Variants in SGPP2 observed in about 807,000 individuals in gnomAD.
SGPP2 encodes sphingosine 1-phosphate phosphohydrolase 2.
A neutral mutation model predicts 33.9 loss-of-function variants in SGPP2; 30 were observed. The ratio of observed to expected loss-of-function variants is 0.89; its 90% confidence interval spans 0.66 to 1.20. The LOEUF is 1.20. Ranked by LOEUF, SGPP2 falls within the 50% of genes most tolerant of loss-of-function variation. The probability of loss-of-function intolerance (pLI) is 0.00; values close to 1 mark genes in which losing one functional copy is unlikely to be tolerated. For synonymous variants in SGPP2, 233 were observed against 225.0 expected (o/e 1.04, Z -0.32); for missense variants, 458 against 532.1 (o/e 0.86, Z 1.37).
At chr2:222,510,219 C>G (rs1363570812) in intron 2 of SGPP2, among the ~76,000 whole-genome samples, 1 of 152,210 alleles carries the variant, frequency 6.6e-6, no homozygotes, top group Non-Finnish European at 1.5e-5. Context: ...CACATGCTTT[C>G]CATTCTCTTA....
rs1472296794 is a variant in SGPP2, at chr2:222,424,897, G to A, written c.219+76G>A. The A allele has an allele frequency of 1.5e-5, 18 of 1,176,848 alleles. No individual in the cohort carries two copies. The East Asian group carries it at 6.0e-4, about 39-fold the overall frequency. The allele number at this position is 1,176,848 out of a possible 1,614,324, so 72.9% of individuals were successfully genotyped here. A position where few individuals can be genotyped will look rare whatever the true frequency, so the allele number is the denominator to read the frequency against. On this transcript the variant is annotated intron_variant, in intron 1 of 4. Coordinates refer to ENST00000321276, the MANE Select transcript of SGPP2 (RefSeq NM_152386.4). The stretch of plus-strand genomic sequence containing the variant: ...GTGCGGGTCCCTGCGACTCCGCCAC[G>A]CGGGGCCGGCCGGGCCGAGAGGGCG...
rs1346353482 is a variant in SGPP2 at position 222,476,749 on chromosome 2, T to C, written c.378+2023T>C. 1.3e-5 allele frequency among the ~76,000 whole-genome samples: 2 copies of C among 151,970 alleles called. No individual in the cohort carries two copies. The highest frequency in any genetic ancestry group is 4.8e-5 in the African/African-American group (2 of 41,344). ...GTGTGTATATAGGTGTGTGTGTATATGTATGTATATAGGTGTGTATATATG... is the reference window on the plus strand; with the variant it reads ...GTGTGTATATAGGTGTGTGTGTATACGTATGTATATAGGTGTGTATATATG... On this transcript the variant is annotated intron_variant, in intron 2 of 4. Coordinates refer to ENST00000321276, the MANE Select transcript of SGPP2 (RefSeq NM_152386.4). The surrounding 1 kb of genome is among the most constrained non-coding windows in gnomAD (Gnocchi z 4.3).
At chr2:222,428,148 TAC>T (rs1179634690) in intron 1 of SGPP2, among the ~76,000 whole-genome samples, 1 of 152,204 alleles carries the variant, frequency 6.6e-6, no homozygotes, top group Non-Finnish European at 1.5e-5. Context: ...GTCCTGTTGG[TAC>T]TGGCTGGGAC....
At chr2:222,503,818 C>T (rs557533524) in intron 2 of SGPP2, 4 of 152,174 alleles carry the variant, frequency 2.6e-5, no homozygotes, top group South Asian at 4.2e-4. Flanking sequence ...CCTCAGTGAC[C>T]GAGGGCCTCA....
chr2:222,474,176 A>G (rs1697893722), intron 1 of SGPP2, among the ~76,000 whole-genome samples: 1 of 152,184 alleles, frequency 6.6e-6, no homozygotes, highest in African/African-American at 2.4e-5. Flanking sequence ...TAATATATTC[A>G]GTTCTAGGAT....
chr2:222,516,035 G>T (rs539031678), intron 2 of SGPP2, among the ~76,000 whole-genome samples: 1 of 152,118 alleles, frequency 6.6e-6, no homozygotes, highest in East Asian at 1.9e-4. Context: ...GCAACAGAGC[G>T]AGACTCAGTC....
chr2:222,514,255 C>T (rs998773974), intron 2 of SGPP2, among the ~76,000 whole-genome samples: 2 of 152,206 alleles, frequency 1.3e-5, no homozygotes, highest in African/African-American at 2.4e-5. Context: ...ATGATGGTAG[C>T]TGGGACACAG....
Position 222,518,070 on chromosome 2 carries a change from C to T in SGPP2, c.379-3697C>T, listed in dbSNP as rs571440823. On this transcript the variant is annotated intron_variant, in intron 2 of 4. Transcript: ENST00000321276. ...TTGGCTCATCATAGCATCATTGTCA[C>T]AAATGGCAATGCCAGAAACAGGATA... Among the ~76,000 whole-genome samples, 51 of 152,328 alleles carry T rather than the reference C, an allele frequency of 3.3e-4. 2 individuals are homozygous for T. Among genetic ancestry groups the T allele is most frequent in the Non-Finnish European group, 6.9e-4 (47 of 68,028 alleles).
At chr2:222,459,479 G>A (rs1359268860) in intron 1 of SGPP2, among the ~76,000 whole-genome samples, 2 of 152,016 alleles carry the variant, frequency 1.3e-5, no homozygotes, top group African/African-American at 4.8e-5. Flanking sequence ...AACAAGGAAG[G>A]ACACAGGATG....
intron 1 of SGPP2, among the ~76,000 whole-genome samples, chr2:222,467,858 C>T (rs1014338335): frequency 1.3e-5 from 2 of 148,264 alleles, no homozygotes; most frequent in Admixed American, 1.4e-4. Flanking sequence ...AGATTACCAT[C>T]CCCCCGAGAT....
intron 3 of SGPP2, 75 bp downstream of exon 3, chr2:222,522,021 TA>T: frequency 7.3e-7 from 1 of 1,363,830 alleles, no homozygotes; most frequent in South Asian, 1.7e-5. Flanking sequence ...AATTTTCTCT[TA>T]AAGCTGCTTT....
intron 1 of SGPP2, among the ~76,000 whole-genome samples, chr2:222,472,217 C>T (rs1164458570): frequency 1.3e-5 from 2 of 152,166 alleles, no homozygotes; most frequent in Non-Finnish European, 2.9e-5. Context: ...TTACCACAAA[C>T]TTAGTGGCTT....
At chr2:222,536,257 A>C (rs978704233) in intron 4 of SGPP2, among the ~76,000 whole-genome samples, 8 of 152,208 alleles carry the variant, frequency 5.3e-5, no homozygotes, top group Non-Finnish European at 1.0e-4. Flanking sequence ...AAATTTGTGA[A>C]GTCACCTTCT....
intron 2 of SGPP2, among the ~76,000 whole-genome samples, chr2:222,495,755 C>T (rs1698270468): frequency 6.6e-6 from 1 of 152,120 alleles, no homozygotes; most frequent in Non-Finnish European, 1.5e-5. Flanking sequence ...TTCTTTGGCT[C>T]ATAAATGATT....
intron 1 of SGPP2, among the ~76,000 whole-genome samples, chr2:222,458,361 C>T (rs986638365): frequency 6.6e-6 from 1 of 152,094 alleles, no homozygotes; most frequent in Non-Finnish European, 1.5e-5. Flanking sequence ...GGCCCAGTGC[C>T]TCTGTTGAAA....
chr2:222,435,690 T>C (rs1326798170), intron 1 of SGPP2, among the ~76,000 whole-genome samples: 1 of 152,184 alleles, frequency 6.6e-6, no homozygotes, highest in Non-Finnish European at 1.5e-5. Context: ...TTATGTCACA[T>C]GATAAAGGAG....
intron 4 of SGPP2, among the ~76,000 whole-genome samples, chr2:222,552,619 G>A (rs1335659746): frequency 1.3e-5 from 2 of 152,106 alleles, no homozygotes; most frequent in Non-Finnish European, 2.9e-5. Context: ...CCAGCACTTT[G>A]GGAGGCCGAG....
At chr2:222,464,711 G>A (rs142703732) in intron 1 of SGPP2, among the ~76,000 whole-genome samples, 1 of 152,238 alleles carries the variant, frequency 6.6e-6, no homozygotes, top group African/African-American at 2.4e-5. Flanking sequence ...TCAGACTCCT[G>A]GCCTCAAGCG....
At chr2:222,489,542 G>C (rs905344616) in intron 2 of SGPP2, among the ~76,000 whole-genome samples, 1 of 151,576 alleles carries the variant, frequency 6.6e-6, no homozygotes, top group Non-Finnish European at 1.5e-5. Context: ...ACCATAGAAA[G>C]CTTTTAGAAT....
Sources: allele counts gnomAD v4.1 joint callset (sites outside exome capture counted in the v4.1 genomes callset), GRCh38; gene constraint gnomAD v4.1.1; non-coding constraint Gnocchi (gnomAD v3.1); transcripts MANE v1.5; gene names NCBI Gene and HGNC (gene_info 2026-07-23, HGNC 2026-07-21).